The following MAPK10 variants were observed in gnomAD, a reference collection of about 807,000 sequenced individuals.
MAPK10 encodes the protein mitogen-activated protein kinase 10.
In MAPK10, 25 loss-of-function variants were observed where a neutral mutation model predicts 59.3. The ratio of observed to expected loss-of-function variants is 0.42; its 90% CI spans 0.31 to 0.59. MAPK10 has a LOEUF of 0.59. Ranked by LOEUF, MAPK10 falls within the 20% of genes least tolerant of loss-of-function variation. The pLI, the probability that MAPK10 is intolerant of heterozygous loss-of-function variation, is 0.15. For synonymous variants in MAPK10, 190 were observed against 200.5 expected (o/e 0.95, Z 0.44); for missense variants, 351 against 568.9 (o/e 0.62, Z 3.90).
intron 2 of MAPK10, among the ~76,000 whole-genome samples, chr4:86,294,674 A>C (rs991888967): frequency 1.3e-5 from 2 of 152,220 alleles, no homozygotes; most frequent in African/African-American, 4.8e-5. Context: ...GCTCTAAAGC[A>C]CTAGGATAGG....
At chr4:86,374,244 C>A (rs1310444793) in intron 1 of MAPK10, among the ~76,000 whole-genome samples, 1 of 151,932 alleles carries the variant, frequency 6.6e-6, no homozygotes, top group African/African-American at 2.4e-5. Context: ...ATATCACACA[C>A]CAGGGCCTGT....
intron 1 of MAPK10, among the ~76,000 whole-genome samples, chr4:86,552,722 G>A (rs1271473875): frequency 2.6e-5 from 4 of 152,228 alleles, no homozygotes; most frequent in Non-Finnish European, 4.4e-5. Context: ...GAAAAAGAGA[G>A]TGTCTCTTTT....
At chr4:86,439,806 G>C (rs1012096686) in intron 1 of MAPK10, among the ~76,000 whole-genome samples, 6 of 151,926 alleles carry the variant, frequency 3.9e-5, no homozygotes, top group Non-Finnish European at 8.8e-5. Context: ...CAATCCAATA[G>C]GTGTCTAGTA....
Position 86,572,756 on chromosome 4 carries a change from C to T in MAPK10, c.-263+21154G>A, listed in dbSNP as rs543179105. 2.4e-4 allele frequency among the ~76,000 whole-genome samples: 37 copies of T among 152,302 alleles called. No homozygotes were observed. In the South Asian group the frequency reaches 6.4e-3, roughly 27 times the overall value. On this transcript the variant is annotated intron_variant, in intron 1 of 4. Coordinates refer to the MAPK10 transcript ENST00000502302. ...AATGCCAAATGGCTGTGCCATATTG[C>T]ATTCCCACCAGCAACATTTGAAAGT... is the stretch of plus-strand genomic sequence containing the variant.
intron 4 of MAPK10, among the ~76,000 whole-genome samples, chr4:86,108,006 A>G (rs1448172152): frequency 1.3e-5 from 2 of 152,136 alleles, no homozygotes; most frequent in African/African-American, 4.8e-5. Context: ...CTAAGAACCA[A>G]TTTTTAAGAT....
intron 11 of MAPK10, among the ~76,000 whole-genome samples, chr4:86,049,583 A>G (rs2043138055): frequency 2.0e-5 from 3 of 152,082 alleles, no homozygotes; most frequent in Admixed American, 1.3e-4. Flanking sequence ...AAATAGTTCA[A>G]TTACCTCCAT....
chr4:86,440,976 A>G (rs1355510348), intron 1 of MAPK10, among the ~76,000 whole-genome samples: 1 of 152,238 alleles, frequency 6.6e-6, no homozygotes, highest in Non-Finnish European at 1.5e-5. Context: ...AAAGCATTAC[A>G]GAGAAATAAA....
chr4:86,045,786 T>C (rs2042382360), intron 11 of MAPK10, among the ~76,000 whole-genome samples: 1 of 151,580 alleles, frequency 6.6e-6, no homozygotes, highest in African/African-American at 2.4e-5. Context: ...CCACCCTCTC[T>C]TGACCCTGGG....
intron 1 of MAPK10, among the ~76,000 whole-genome samples, chr4:86,423,679 T>C (rs1416590459): frequency 6.6e-6 from 1 of 150,870 alleles, no homozygotes; most frequent in Admixed American, 6.6e-5. Context: ...GAGAATGGTG[T>C]GAGACTTCAC....
intron 3 of MAPK10, among the ~76,000 whole-genome samples, chr4:86,179,342 G>A (rs927115171): frequency 6.6e-6 from 1 of 151,916 alleles, no homozygotes; most frequent in Admixed American, 6.6e-5. Context: ...ATAAAACACC[G>A]ATGAAAGAAA....
At chr4:86,213,792 C>T (rs890973047) in intron 2 of MAPK10, among the ~76,000 whole-genome samples, 1 of 152,056 alleles carries the variant, frequency 6.6e-6, no homozygotes, top group Non-Finnish European at 1.5e-5. Flanking sequence ...TTCTACCATA[C>T]AAAGAAGAAC....
At chr4:86,110,941 T>C (rs144025122) in intron 4 of MAPK10, among the ~76,000 whole-genome samples, 3,580 of 151,920 alleles carry the variant, frequency 0.024, 143 homozygotes, top group African/African-American at 0.081. Flanking sequence ...AGAAGTCCTT[T>C]ATGTCCCTTG....
intron 1 of MAPK10, among the ~76,000 whole-genome samples, chr4:86,460,303 G>A (rs961450060): frequency 1.3e-5 from 2 of 152,188 alleles, no homozygotes; most frequent in Admixed American, 6.5e-5. Context: ...AGCCAGAGAT[G>A]TGCCTGAAGA....
In MAPK10 at chr4:86,027,251, A is replaced by T. The variant is rs575686068; in HGVS notation, c.1252+1946T>A. On this transcript the variant is annotated intron_variant, in intron 13 of 13. Transcript: ENST00000641462. The stretch of plus-strand genomic sequence containing the variant: ...TAAATTGGTTAAGCCAGTCAACTAT[A>T]GTTTAGGGCATATGTATTACATAGA... 2.0e-5 allele frequency: 3 copies of T among 152,326 alleles called. No individual in the cohort carries two copies. In the South Asian group the frequency reaches 6.2e-4, roughly 32 times the overall value. The allele number at this position is 152,326 out of a possible 1,614,324, so 9.4% of individuals were successfully genotyped here.
intron 1 of MAPK10, among the ~76,000 whole-genome samples, chr4:86,502,023 T>C (rs903991685): frequency 3.9e-5 from 6 of 152,146 alleles, no homozygotes; most frequent in African/African-American, 9.6e-5. Context: ...GGGCACTGCA[T>C]GGCAGCACTG....
intron 1 of MAPK10, among the ~76,000 whole-genome samples, chr4:86,588,170 G>A (rs1420139934): frequency 1.3e-5 from 2 of 152,204 alleles, no homozygotes; most frequent in Non-Finnish European, 1.5e-5. Context: ...GCTCCATTAT[G>A]TGGTTGTTCA....
At chr4:86,051,567 T>G (rs1411238246) in intron 11 of MAPK10, among the ~76,000 whole-genome samples, 1 of 152,180 alleles carries the variant, frequency 6.6e-6, no homozygotes, top group Non-Finnish European at 1.5e-5. Flanking sequence ...TTTTTAAATG[T>G]CAGCATAAAC....
intron 1 of MAPK10, among the ~76,000 whole-genome samples, chr4:86,434,497 T>G (rs1187148709): frequency 2.0e-5 from 3 of 152,192 alleles, no homozygotes; most frequent in Non-Finnish European, 4.4e-5. Flanking sequence ...TGAACAGACA[T>G]TTCTCAAAAG....
intron 11 of MAPK10, among the ~76,000 whole-genome samples, chr4:86,061,920 T>A (rs1166020993): frequency 6.6e-6 from 1 of 152,158 alleles, no homozygotes; most frequent in Non-Finnish European, 1.5e-5. Flanking sequence ...AGAAGATATA[T>A]CACTATATTA....
Sources: allele counts gnomAD v4.1 joint callset (sites outside exome capture counted in the v4.1 genomes callset), GRCh38; gene constraint gnomAD v4.1.1; transcripts MANE v1.5; gene names NCBI Gene and HGNC (gene_info 2026-07-23, HGNC 2026-07-21).